HPSE: variants seen among roughly 807,000 people sequenced by gnomAD.
HPSE encodes endo-glucoronidase.
HPSE carries 48 observed loss-of-function variants against 65.1 expected under a neutral mutation model. The observed-to-expected ratio is 0.74, with a 90% confidence interval of 0.58 to 0.94. The LOEUF is 0.94. Ranked by LOEUF, HPSE falls within the 40% of genes least tolerant of loss-of-function variation. HPSE has a pLI of 0.00. For missense variants in HPSE, 644 were observed against 637.5 expected (o/e 1.01, Z -0.11); for synonymous variants, 243 against 260.0 (o/e 0.93, Z 0.63).
upstream of HPSE, chr4:83,335,091 T>G: frequency 1.3e-5 from 4 of 299,638 alleles, no homozygotes; most frequent in Non-Finnish European, 2.4e-5. Flanking sequence ...ATGGCCGGGA[T>G]CCAAGCGCCC....
At chr4:83,328,695 G>A (rs577750514) in intron 1 of HPSE, among the ~76,000 whole-genome samples, 1 of 152,192 alleles carries the variant, frequency 6.6e-6, no homozygotes, top group African/African-American at 2.4e-5. Context: ...GGGGAGGGAA[G>A]AAACGGGGTG....
Position 83,293,463 on chromosome 4 carries a change from G to C in HPSE, c.*1881C>G, listed in dbSNP as rs965398139. The C allele has an allele frequency of 2.6e-5, 4 of 152,224 alleles. No homozygotes were observed. The highest frequency in any genetic ancestry group is 9.6e-5 in the African/African-American group (4 of 41,454). The allele number at this position is 152,224 out of a possible 1,614,324, so 9.4% of individuals were successfully genotyped here. A position where few individuals can be genotyped will look rare whatever the true frequency, so the allele number is the denominator to read the frequency against. On this transcript the variant is annotated 3_prime_UTR_variant, in exon 12 of 12. Coordinates refer to ENST00000311412, the MANE Select transcript of HPSE (RefSeq NM_001098540.3). Reference sequence around the variant, plus strand: ...AGAGCAGAGAGCTGGGAAGAACCCAGATCCCTGGTGACGTACTGAAGTGCT... The same window carrying C: ...AGAGCAGAGAGCTGGGAAGAACCCACATCCCTGGTGACGTACTGAAGTGCT...
intron 3 of HPSE, 153 bp downstream of exon 3, chr4:83,319,191 C>G (rs572755929): frequency 1.2e-4 from 89 of 741,938 alleles, no homozygotes; most frequent in African/African-American, 1.2e-3. Flanking sequence ...AACCAAAAAG[C>G]AAGTTTTGAG....
chr4:83,313,360 A>G (rs1736497857), intron 3 of HPSE, 73 bp from the exon 4 acceptor site: 1 of 882,792 alleles, frequency 1.1e-6, no homozygotes. Context: ...GCTTTTCATA[A>G]TGAATAACTA....
In HPSE at chr4:83,334,541, G is replaced by C. The variant is rs369027053; in HGVS notation, c.227+15C>G. 1.9e-4 allele frequency: 300 copies of C among 1,564,124 alleles called. No homozygotes were observed. In the African/African-American group the frequency reaches 3.8e-3, roughly 20 times the overall value. On this transcript the variant is annotated intron_variant, in intron 1 of 11. Transcript: ENST00000311412. ...AGGACAGGAAAGGGGACAGGACCAGGAGGCTGGCGCTTACCCCAGGAGGAT... is the reference window on the plus strand; with the variant it reads ...AGGACAGGAAAGGGGACAGGACCAGCAGGCTGGCGCTTACCCCAGGAGGAT...
intron 1 of HPSE, among the ~76,000 whole-genome samples, chr4:83,323,465 G>A (rs930028781): frequency 6.6e-6 from 1 of 151,440 alleles, no homozygotes; most frequent in Admixed American, 6.6e-5. Context: ...CAATTTTGCT[G>A]TGAACCTAAA....
At chr4:83,328,217 T>G (rs1181123024) in intron 1 of HPSE, among the ~76,000 whole-genome samples, 1 of 152,200 alleles carries the variant, frequency 6.6e-6, no homozygotes, top group African/African-American at 2.4e-5. Context: ...GCCGAAACGT[T>G]GAATTCAAGG....
intron 11 of HPSE, among the ~76,000 whole-genome samples, chr4:83,297,402 C>T (rs1488669136): frequency 1.3e-5 from 2 of 151,824 alleles, no homozygotes; most frequent in Non-Finnish European, 2.9e-5. Flanking sequence ...ATTCTTCCCC[C>T]CACCCCAGCA....
intron 1 of HPSE, among the ~76,000 whole-genome samples, chr4:83,330,639 T>C (rs1415094366): frequency 6.6e-6 from 1 of 152,230 alleles, no homozygotes; most frequent in Admixed American, 6.5e-5. Context: ...TATCAGTAAA[T>C]ATTTATTGAA....
chr4:83,297,801 A>G (rs1735789147), intron 11 of HPSE, among the ~76,000 whole-genome samples: 2 of 152,218 alleles, frequency 1.3e-5, no homozygotes. Flanking sequence ...TGAAGGGGGA[A>G]ATGCCATGAC....
At chr4:83,302,855 G>C (rs1243259715) in intron 9 of HPSE, among the ~76,000 whole-genome samples, 1 of 152,042 alleles carries the variant, frequency 6.6e-6, no homozygotes, top group East Asian at 1.9e-4. Flanking sequence ...TGCACCTGTA[G>C]TTCCAGGTAC....
chr4:83,302,256 A>AT lies in HPSE; in HGVS notation c.1218dup (p.Ser407IlefsTer35). 6.2e-7 allele frequency: 1 copy of AT among 1,609,484 alleles called. No homozygotes were observed. Among genetic ancestry groups the AT allele is most frequent in the Non-Finnish European group, 8.5e-7 (1 of 1,175,876 alleles). On this transcript the variant is annotated frameshift_variant, in exon 10 of 12. Coordinates refer to ENST00000311412, the MANE Select transcript of HPSE (RefSeq NM_001098540.3). LOFTEE classifies it high-confidence loss of function. ...CCCACCAATTTCTTGAACAGAAGAG[A>AT]TAGCCAATAATCCTAGTTGTGGTGG... is the stretch of plus-strand genomic sequence containing the variant.
rs386400677 is a variant in HPSE, at chr4:83,322,789, T to TTGTG, written c.228-429_228-426dup. On this transcript the variant is annotated intron_variant, in intron 1 of 11. Transcript: ENST00000311412. ...AGCTCTAATTCTGGCAAGAGCTTGT[T>TTGTG]TGTGTGTGTGTGTGTGTGTGTGTGT... is the stretch of plus-strand genomic sequence containing the variant. 4.2e-3 allele frequency among the ~76,000 whole-genome samples: 439 copies of TTGTG among 103,980 alleles called. 3 individuals carry two copies. Among genetic ancestry groups the TTGTG allele is most frequent in the Admixed American group, 1.0e-2 (99 of 9,940 alleles). 68.2% of individuals were successfully genotyped at this position (103,980 alleles called of 152,430 possible). A position where few individuals can be genotyped will look rare whatever the true frequency, so the allele number is the denominator to read the frequency against.
chr4:83,318,595 T>A (rs1736748801), intron 3 of HPSE, among the ~76,000 whole-genome samples: 1 of 151,192 alleles, frequency 6.6e-6, no homozygotes. Flanking sequence ...ATATTCCTCA[T>A]AATGAATAGG....
rs1735678153 is a variant in HPSE, at chr4:83,295,255, C to A, written c.*89G>T. On this transcript the variant is annotated 3_prime_UTR_variant, in exon 12 of 12. Coordinates refer to ENST00000311412, the MANE Select transcript of HPSE (RefSeq NM_001098540.3). The stretch of plus-strand genomic sequence containing the variant: ...TCTCAAGCACCCACTAGTTGCTTTG[C>A]AAGGTATCTGCTTCCTTTCCTATAA... 1 of 1,149,970 alleles carries A rather than the reference C, an allele frequency of 8.7e-7. No individual in the cohort carries two copies. Among genetic ancestry groups the A allele is most frequent in the Non-Finnish European group, 1.2e-6 (1 of 808,260 alleles). The allele number at this position is 1,149,970 out of a possible 1,614,324, so 71.2% of individuals were successfully genotyped here. A position where few individuals can be genotyped will look rare whatever the true frequency, so the allele number is the denominator to read the frequency against.
At chr4:83,309,626 T>C in intron 6 of HPSE, 131 bp from the exon 7 acceptor site, 1 of 647,830 alleles carries the variant, frequency 1.5e-6, no homozygotes, top group Non-Finnish European at 2.7e-6. Flanking sequence ...GAAGTTCTAC[T>C]AGGGAAAGAC....
In HPSE at chr4:83,309,383, A is replaced by C. The variant is rs771052437; in HGVS notation, c.984+19T>G. On this transcript the variant is annotated intron_variant, in intron 7 of 11. Coordinates refer to ENST00000311412, the MANE Select transcript of HPSE (RefSeq NM_001098540.3). ...TAAGGATTCTGGTTTTACATTAAAA[A>C]GTTTAAAAAGACTATTACCTGGAAA... is the stretch of plus-strand genomic sequence containing the variant. The C allele has an allele frequency of 5.5e-6, 7 of 1,272,060 alleles. No homozygotes were observed. The highest frequency in any genetic ancestry group is 7.9e-6 in the Non-Finnish European group (7 of 889,352). 78.8% of individuals were successfully genotyped at this position (1,272,060 alleles called of 1,614,324 possible). A position where few individuals can be genotyped will look rare whatever the true frequency, so the allele number is the denominator to read the frequency against.
At chr4:83,312,157 G>GC (rs1250913159) in intron 4 of HPSE, among the ~76,000 whole-genome samples, 2 of 152,162 alleles carry the variant, frequency 1.3e-5, no homozygotes, top group African/African-American at 4.8e-5. Flanking sequence ...AGTCCAGCTT[G>GC]CCAAGCATAA....
chr4:83,302,118 G>A (rs1264633552), intron 10 of HPSE, 32 bp downstream of exon 10: 1 of 1,447,736 alleles, frequency 6.9e-7, no homozygotes, highest in Non-Finnish European at 9.7e-7. Flanking sequence ...ACTAAAACTT[G>A]ATGATTGGTA....
Sources: allele counts gnomAD v4.1 joint callset (sites outside exome capture counted in the v4.1 genomes callset), GRCh38; gene constraint gnomAD v4.1.1; transcripts MANE v1.5; gene names NCBI Gene and HGNC (gene_info 2026-07-23, HGNC 2026-07-21).